DOCK2: variants seen among roughly 807,000 people sequenced by gnomAD.
The protein encoded by DOCK2 is dedicator of cytokinesis protein 2.
Under a neutral mutation model 248.9 loss-of-function variants are expected in DOCK2, and 87 were observed. The observed-to-expected ratio is 0.35, with a 90% CI of 0.29 to 0.42. The LOEUF (loss-of-function observed/expected upper bound fraction) is 0.42. Among genes scored for constraint, DOCK2 ranks in the 10% least tolerant of loss-of-function variants. The pLI is 1.00. For missense variants in DOCK2, 1,747 were observed against 2,300.2 expected (o/e 0.76, Z 4.92); for synonymous variants, 805 against 821.6 (o/e 0.98, Z 0.35).
chr5:170,026,832 T>A (rs1236029772), intron 33 of DOCK2, among the ~76,000 whole-genome samples: 1 of 152,232 alleles, frequency 6.6e-6, no homozygotes, highest in African/African-American at 2.4e-5. Context: ...TAATCTGATC[T>A]CTGATCATTA....
chr5:170,067,006 T>G (rs1757513727), intron 44 of DOCK2, among the ~76,000 whole-genome samples: 2 of 152,220 alleles, frequency 1.3e-5, no homozygotes, highest in Admixed American at 1.3e-4. Flanking sequence ...TATATCGCCT[T>G]CTAAGAGGTG....
intron 22 of DOCK2, among the ~76,000 whole-genome samples, chr5:169,737,035 T>G (rs900430661): frequency 6.6e-6 from 1 of 152,104 alleles, no homozygotes; most frequent in Non-Finnish European, 1.5e-5. Flanking sequence ...CAGATAATCA[T>G]GTGGGTGCAT....
At chr5:169,922,111 A>T (rs1356110499) in intron 27 of DOCK2, among the ~76,000 whole-genome samples, 2 of 152,208 alleles carry the variant, frequency 1.3e-5, no homozygotes, top group Non-Finnish European at 2.9e-5. Context: ...CACATTTGAG[A>T]GAGAACGTTA....
At chr5:169,752,135 A>G (rs888157039) in intron 23 of DOCK2, among the ~76,000 whole-genome samples, 1 of 152,214 alleles carries the variant, frequency 6.6e-6, no homozygotes, top group Non-Finnish European at 1.5e-5. Context: ...GGTCAACACC[A>G]CACACATGTA....
At chr5:169,927,013 T>G (rs1435096612) in intron 27 of DOCK2, among the ~76,000 whole-genome samples, 1 of 152,216 alleles carries the variant, frequency 6.6e-6, no homozygotes, top group Non-Finnish European at 1.5e-5. Context: ...ACATTTGTGT[T>G]AAGAATTAAA....
rs377325844 is a variant in DOCK2 at position 169,778,365 on chromosome 5, A to G, written c.2554+16740A>G. Among the ~76,000 whole-genome samples, 90 of 152,316 alleles carry G rather than the reference A, an allele frequency of 5.9e-4. 3 individuals are homozygous for G. The South Asian group carries it at 0.017, about 29-fold the overall frequency. On this transcript the variant is annotated intron_variant, in intron 25 of 51. Transcript: ENST00000520908. ...TCCACAGTGTTCAGTAGTGAGTAGT[A>G]ATATTTTTGTTCTTATAAATATTGG...
At chr5:169,834,732 A>AC (rs1561747084) in intron 26 of DOCK2, among the ~76,000 whole-genome samples, 1 of 152,234 alleles carries the variant, frequency 6.6e-6, no homozygotes, top group Non-Finnish European at 1.5e-5. Context: ...AAGCTCACAG[A>AC]CCACAAGCCC....
chr5:170,032,393 C>T (rs1561889964), intron 34 of DOCK2, among the ~76,000 whole-genome samples: 2 of 152,148 alleles, frequency 1.3e-5, no homozygotes, highest in East Asian at 3.9e-4. Context: ...AATACTGCTG[C>T]CTGGGTCCCA....
chr5:169,941,011 AACAG>A (rs1361485477), intron 27 of DOCK2, among the ~76,000 whole-genome samples: 4 of 152,140 alleles, frequency 2.6e-5, no homozygotes, highest in African/African-American at 9.7e-5. Flanking sequence ...AGGTGAGAAA[AACAG>A]ACAGAAAGCC....
rs139988000 is a variant in DOCK2, at chr5:170,074,545, A to G, written c.4729-1402A>G. Among the ~76,000 whole-genome samples the G allele has an allele frequency of 3.1e-3, 470 of 152,298 alleles. 2 individuals carry two copies. Among genetic ancestry groups the G allele is most frequent in the African/African-American group, 0.01 (419 of 41,556 alleles). ...CACATTCTCCAGAGTCAGACCCTTCAAGCTGTTATATAGAAAGATAATCCC... is the reference window on the plus strand; with the variant it reads ...CACATTCTCCAGAGTCAGACCCTTCGAGCTGTTATATAGAAAGATAATCCC... On this transcript the variant is annotated intron_variant, in intron 46 of 51. Transcript: ENST00000520908.
intron 27 of DOCK2, among the ~76,000 whole-genome samples, chr5:169,897,482 C>G (rs1773679137): frequency 3.9e-5 from 6 of 152,164 alleles, no homozygotes; most frequent in Admixed American, 3.9e-4. Flanking sequence ...AGCCACCGTA[C>G]TCGGCCAGGA....
chr5:170,041,252 G>A, intron 37 of DOCK2, 107 bp downstream of exon 37: 2 of 1,028,072 alleles, frequency 1.9e-6, no homozygotes, highest in South Asian at 2.8e-5. Flanking sequence ...CAAATATTTT[G>A]TTTTGCCCTG....
chr5:169,971,258 G>A (rs1777497151), intron 27 of DOCK2, among the ~76,000 whole-genome samples: 1 of 151,842 alleles, frequency 6.6e-6, no homozygotes. Context: ...ATCATTCCCA[G>A]AGCAGGAAGG....
chr5:169,651,397 C>T (rs754521070), intron 1 of DOCK2, among the ~76,000 whole-genome samples: 11 of 152,336 alleles, frequency 7.2e-5, no homozygotes, highest in Middle Eastern at 3.4e-3. Flanking sequence ...TTAAGCCAAT[C>T]TACTGGCACC....
At chr5:170,015,455 A>G (rs1474869506) in intron 32 of DOCK2, among the ~76,000 whole-genome samples, 1 of 152,124 alleles carries the variant, frequency 6.6e-6, no homozygotes, top group Non-Finnish European at 1.5e-5. Flanking sequence ...GAGAGAATTG[A>G]TTGCCTGTTT....
chr5:169,651,306 C>T (rs1486657907), intron 1 of DOCK2, among the ~76,000 whole-genome samples: 3 of 152,206 alleles, frequency 2.0e-5, no homozygotes, highest in African/African-American at 7.2e-5. Flanking sequence ...CAGTTACTTT[C>T]ATTTTTGTAA....
At chr5:169,721,372 G>T (rs1012738273) in intron 22 of DOCK2, among the ~76,000 whole-genome samples, 2 of 152,218 alleles carry the variant, frequency 1.3e-5, no homozygotes, top group Non-Finnish European at 2.9e-5. Context: ...AGGACCTCAT[G>T]CTAGGAGAAG....
In DOCK2 at chr5:170,040,694, TA is replaced by T. The variant is rs1180831087; in HGVS notation, c.3666-360del. The T allele has an allele frequency of 1.7e-5, 3 of 176,088 alleles. 1 individual carries two copies. Among genetic ancestry groups the T allele is most frequent in the African/African-American group, 1.6e-4 (3 of 19,034 alleles). The allele number at this position is 176,088 out of a possible 1,614,324, so 10.9% of individuals were successfully genotyped here. ...CTTCCTTTATTTCTCTTGCTTGTCA[TA>T]TTGCATTGGCCAGACCATTCATTAT... On this transcript the variant is annotated intron_variant, in intron 36 of 51. Transcript: ENST00000520908.
intron 44 of DOCK2, among the ~76,000 whole-genome samples, chr5:170,060,407 G>C (rs1257034148): frequency 6.6e-6 from 1 of 152,190 alleles, no homozygotes; most frequent in African/African-American, 2.4e-5. Context: ...CCTAGTAAGG[G>C]CTGTGGCAAA....
Sources: allele counts gnomAD v4.1 joint callset (sites outside exome capture counted in the v4.1 genomes callset), GRCh38; gene constraint gnomAD v4.1.1; transcripts MANE v1.5; gene names NCBI Gene and HGNC (gene_info 2026-07-23, HGNC 2026-07-21).